PASD1: variants seen among roughly 807,000 people sequenced by gnomAD.
PASD1 encodes the protein PAS domain containing repressor 1.
A neutral mutation model predicts 58.8 loss-of-function variants in PASD1; 13 were observed. The ratio of observed to expected loss-of-function variants is 0.22; its 90% CI spans 0.14 to 0.35. PASD1 has a LOEUF of 0.35. Ranked by LOEUF, PASD1 falls within the 10% of genes least tolerant of loss-of-function variation. The probability of loss-of-function intolerance (pLI) is 1.00; values close to 1 mark genes in which losing one functional copy is unlikely to be tolerated. For missense variants in PASD1, 734 were observed against 568.3 expected (o/e 1.29, Z -2.96); for synonymous variants, 236 against 216.7 (o/e 1.09, Z -0.78).
intron 1 of PASD1, 68 bp from the exon 2 acceptor site, chrX:151,601,459 C>A: frequency 1.2e-6 from 1 of 843,559 alleles, no homozygotes; most frequent in Non-Finnish European, 1.7e-6. Flanking sequence ...TTTGATTAGT[C>A]TTATTGCTTT....
At chrX:151,592,765 A>T (rs1480568249) in intron 1 of PASD1, among the ~76,000 whole-genome samples, 1 of 111,595 alleles carries the variant, frequency 9.0e-6, no homozygotes, top group Non-Finnish European at 1.9e-5. Context: ...AATGCTTTAA[A>T]TTTATTGAAA....
rs2013699749 is a variant in PASD1, at chrX:151,621,000, T to C, written c.278T>C (p.Ile93Thr). Residue 93 changes from isoleucine to threonine, a missense_variant, in exon 5 of 16, where the codon ATT becomes ACT. Physicochemically the swap from Ile to Thr is moderately conservative, Grantham distance 89. Transcript: ENST00000370357. ...DEEKDEVYQK[I>T]ILKFPLLNSE... ...GAGAAAGATGAAGTCTACCAAAAGA[T>C]TATTCTCAAATTTCCTTTACTAAAC... 1 of 1,202,461 alleles carries C rather than the reference T, an allele frequency of 8.3e-7. No homozygotes were observed. The highest frequency in any genetic ancestry group is 1.7e-5 in the African/African-American group (1 of 57,486).
At chrX:151,627,207 T>A (rs2013799641) in intron 8 of PASD1, among the ~76,000 whole-genome samples, 1 of 110,866 alleles carries the variant, frequency 9.0e-6, no homozygotes, top group Non-Finnish European at 1.9e-5. Flanking sequence ...TTATTTATTA[T>A]TTATTTATTT....
At chrX:151,577,854 T>C (rs765699489) in intron 1 of PASD1, among the ~76,000 whole-genome samples, 1 of 111,829 alleles carries the variant, frequency 8.9e-6, no homozygotes, top group East Asian at 2.8e-4. Flanking sequence ...TCAAGTTGTT[T>C]CCCAGGTATT....
intron 8 of PASD1, chrX:151,641,063 T>G (rs1185936168): frequency 8.9e-6 from 1 of 111,833 alleles, no homozygotes; most frequent in Admixed American, 9.5e-5. Context: ...CAGACTAAGA[T>G]TTCTACCATG....
chrX:151,600,931 T>C (rs1364041989), intron 1 of PASD1, among the ~76,000 whole-genome samples: 2 of 112,502 alleles, frequency 1.8e-5, no homozygotes, highest in Non-Finnish European at 3.8e-5. Flanking sequence ...GGGATGCCAT[T>C]GACATCTACC....
intron 11 of PASD1, among the ~76,000 whole-genome samples, chrX:151,664,673 T>C (rs2014356892): frequency 9.0e-6 from 1 of 111,706 alleles, no homozygotes; most frequent in Admixed American, 9.5e-5. Flanking sequence ...GGTGGTATTT[T>C]TAAGAGCCCT....
In PASD1 at chrX:151,611,769, T is replaced by G. The variant is rs756061348; in HGVS notation, c.207+16T>G. Reference sequence around the variant, plus strand: ...ACATTTACCAGTAAGTTCTTTCTACTTTTGGGAAAGTGGATCATTCTGGTT... The same window carrying G: ...ACATTTACCAGTAAGTTCTTTCTACGTTTGGGAAAGTGGATCATTCTGGTT... On this transcript the variant is annotated intron_variant, in intron 4 of 15. Transcript: ENST00000370357. 1.4e-5 allele frequency: 16 copies of G among 1,150,857 alleles called. No individual in the cohort carries two copies. The South Asian group carries it at 2.7e-4, about 19-fold the overall frequency. 94.8% of individuals were successfully genotyped at this position (1,150,857 alleles called of 1,213,427 possible).
At chrX:151,626,365 T>C (rs928085407) in intron 8 of PASD1, among the ~76,000 whole-genome samples, 3 of 111,889 alleles carry the variant, frequency 2.7e-5, no homozygotes, top group Middle Eastern at 4.2e-3. Context: ...AAAGTAAAAA[T>C]ATATTCCTAA....
In PASD1 at chrX:151,676,208, G is replaced by T; in HGVS notation, c.*65G>T. The T allele has an allele frequency of 9.1e-7, 1 of 1,104,601 alleles. No homozygotes were observed. The highest frequency in any genetic ancestry group is 2.2e-5 in the South Asian group (1 of 44,885). 91.0% of individuals were successfully genotyped at this position (1,104,601 alleles called of 1,213,427 possible). ...GGGGGCAGGCCAATGAGGTCTGCAT[G>T]GCCAGGGGACCTTCAAGGTGCGTAA... On this transcript the variant is annotated 3_prime_UTR_variant, in exon 16 of 16. Coordinates refer to ENST00000370357, the MANE Select transcript of PASD1 (RefSeq NM_173493.3).
At chrX:151,645,218 T>G (rs1282490537) in intron 8 of PASD1, among the ~76,000 whole-genome samples, 1 of 111,591 alleles carries the variant, frequency 9.0e-6, no homozygotes, top group Non-Finnish European at 1.9e-5. Context: ...TGGTTTTCTT[T>G]CCCTCCATCA....
intron 11 of PASD1, among the ~76,000 whole-genome samples, chrX:151,669,388 GT>G (rs1392753105): frequency 1.8e-5 from 2 of 110,106 alleles, no homozygotes; most frequent in Non-Finnish European, 3.8e-5. Context: ...TCAAATATTT[GT>G]TTTTTCTTTG....
At chrX:151,602,709 T>TAAGAAG (rs1394286580) in intron 2 of PASD1, among the ~76,000 whole-genome samples, 1 of 86,062 alleles carries the variant, frequency 1.2e-5, no homozygotes, top group African/African-American at 4.2e-5. Context: ...ATAATAATAA[T>TAAGAAG]AATAAGAAGA....
Position 151,621,488 on chromosome X carries a change from A to G in PASD1, c.314A>G (p.His105Arg), listed in dbSNP as rs753717418. ...TTTCTTCTCTTTTTACTAGAAACACATATTGAATTTTGCTGTCATTTAAAA... is the reference window on the plus strand; with the variant it reads ...TTTCTTCTCTTTTTACTAGAAACACGTATTGAATTTTGCTGTCATTTAAAA... Reference protein sequence around the residue: ...LKFPLLNSETHIEFCCHLKRG... With the variant: ...LKFPLLNSETRIEFCCHLKRG... The change falls in exon 6 of 16, where the codon CAT (histidine) becomes CGT (arginine). Residue 105 changes from histidine (H) to arginine (R), a missense_variant. Coordinates refer to ENST00000370357, the MANE Select transcript of PASD1 (RefSeq NM_173493.3). The G allele has an allele frequency of 4.2e-6, 5 of 1,190,723 alleles. No individual in the cohort carries two copies. The highest frequency in any genetic ancestry group is 2.5e-4 in the Middle Eastern group (1 of 3,950).
intron 12 of PASD1, 54 bp downstream of exon 12, chrX:151,671,250 A>G: frequency 8.6e-7 from 1 of 1,169,391 alleles, no homozygotes; most frequent in South Asian, 1.9e-5. Context: ...TTAGTAGCAG[A>G]AGGAAGAGGA....
chrX:151,676,036 C>CCA lies in PASD1; in HGVS notation c.2218_2219dup (p.Gln740HisfsTer15). 1 of 1,211,494 alleles carries CCA rather than the reference C, an allele frequency of 8.3e-7. No individual in the cohort carries two copies. Among genetic ancestry groups the CCA allele is most frequent in the South Asian group, 1.8e-5 (1 of 56,993 alleles). ...GGTAGGAGTCGAGGGACCTCCTGAT[C>CCA]CACAGGCTTTCCAAGGCCCTGCTGC... On this transcript the variant is annotated frameshift_variant, in exon 16 of 16. Coordinates refer to ENST00000370357, the MANE Select transcript of PASD1 (RefSeq NM_173493.3). LOFTEE classifies it low-confidence loss of function (END_TRUNC).
At position 151,656,797 on chromosome X, in the gene PASD1, T is replaced by A. The variant is rs779990937; in HGVS notation, c.718-2916T>A. ...GTTTTCTAAATATACAATCATGTCA[T>A]CTGCAAACAGGGACAATTTGACTTC... On this transcript the variant is annotated intron_variant, in intron 9 of 15. Coordinates refer to ENST00000370357, the MANE Select transcript of PASD1 (RefSeq NM_173493.3). 4.5e-5 allele frequency among the ~76,000 whole-genome samples: 5 copies of A among 112,037 alleles called. No individual in the cohort carries two copies. The South Asian group carries it at 1.9e-3, about 42-fold the overall frequency.
chrX:151,663,077 T>G (rs1223727318), intron 10 of PASD1, among the ~76,000 whole-genome samples: 1 of 112,134 alleles, frequency 8.9e-6, no homozygotes, highest in African/African-American at 3.2e-5. Flanking sequence ...TTATATACAG[T>G]AAAATTCACT....
chrX:151,667,506 G>A (rs1185942992), intron 11 of PASD1, among the ~76,000 whole-genome samples: 6 of 111,954 alleles, frequency 5.4e-5, no homozygotes, highest in Non-Finnish European at 7.5e-5. Flanking sequence ...ATGGCTTTGT[G>A]GTTTTACGTC....
Sources: gnomAD v4.1 joint callset for allele counts (sites outside exome capture counted in the v4.1 genomes callset) on GRCh38, gnomAD v4.1.1 for gene constraint, MANE v1.5 for transcripts, NCBI Gene and HGNC (gene_info 2026-07-23, HGNC 2026-07-21) for gene names.